Variants in NREP observed in about 807,000 individuals in gnomAD.
The protein encoded by NREP is neuronal regeneration-related protein.
In NREP, 5 loss-of-function variants were observed where a neutral mutation model predicts 8.6. The observed-to-expected ratio is 0.58, with a 90% CI of 0.30 to 1.22. The LOEUF (loss-of-function observed/expected upper bound fraction) is 1.22, where lower values mean the gene tolerates loss of function less well. NREP is among the 50% of genes most tolerant of loss of function. NREP has a pLI of 0.07. For synonymous variants in NREP, 27 were observed against 28.0 expected (o/e 0.96, Z 0.11); for missense variants, 86 against 82.5 (o/e 1.04, Z -0.17).
chr5:111,737,727 A>AC (rs1749263086), intron 2 of NREP, among the ~76,000 whole-genome samples: 1 of 143,312 alleles, frequency 7.0e-6, no homozygotes, highest in African/African-American at 2.8e-5. Context: ...AAAAAAAAAA[A>AC]AACAAAAACA....
chr5:111,958,506 T>C (rs1174587865), intron 2 of NREP, among the ~76,000 whole-genome samples: 1 of 151,946 alleles, frequency 6.6e-6, no homozygotes, highest in Non-Finnish European at 1.5e-5. Context: ...TTGATATTCA[T>C]TCAAACATTT....
chr5:111,784,813 T>C lies in NREP; in HGVS notation c.136-49306A>G, dbSNP rs74948734. 3.8e-3 allele frequency among the ~76,000 whole-genome samples: 578 copies of C among 152,284 alleles called. 1 individual carries two copies. The highest frequency in any genetic ancestry group is 0.013 in the African/African-American group (540 of 41,566). On this transcript the variant is annotated intron_variant, in intron 2 of 3. Transcript: ENST00000395634. The stretch of plus-strand genomic sequence containing the variant: ...TGGATATTTAAAAACAGCATTTAAT[T>C]AAAAAGTTATACTTTTCAAGGTTCC...
chr5:111,856,957 A>T (rs187202664), intron 2 of NREP, among the ~76,000 whole-genome samples: 10 of 152,172 alleles, frequency 6.6e-5, no homozygotes, highest in African/African-American at 2.4e-4. Context: ...CAGCCCCAGT[A>T]TGTCTTGATT....
At chr5:111,958,121 A>G (rs1019961365) in intron 2 of NREP, among the ~76,000 whole-genome samples, 2 of 151,962 alleles carry the variant, frequency 1.3e-5, no homozygotes, top group Admixed American at 1.3e-4. Flanking sequence ...TTTTCATTAT[A>G]TCATAAAATT....
At chr5:111,866,094 A>G (rs184746672) in intron 2 of NREP, among the ~76,000 whole-genome samples, 1 of 152,340 alleles carries the variant, frequency 6.6e-6, no homozygotes, top group East Asian at 1.9e-4. Flanking sequence ...GGCATGGGCA[A>G]GGACTTCATG....
chr5:111,892,267 C>A (rs946926063), intron 2 of NREP, among the ~76,000 whole-genome samples: 1 of 152,060 alleles, frequency 6.6e-6, no homozygotes, highest in East Asian at 1.9e-4. Context: ...ACAAATCATA[C>A]AATAGAGGGC....
intron 2 of NREP, among the ~76,000 whole-genome samples, chr5:111,910,411 T>A (rs55818288): frequency 6.6e-6 from 1 of 151,992 alleles, no homozygotes; most frequent in Non-Finnish European, 1.5e-5. Context: ...GGCGACAAAT[T>A]GGCTGCTATC....
chr5:111,820,311 A>G (rs757601779), intron 2 of NREP, among the ~76,000 whole-genome samples: 2 of 152,250 alleles, frequency 1.3e-5, no homozygotes, highest in Non-Finnish European at 2.9e-5. Context: ...TGCACGTTGA[A>G]CAACTTAAAT....
At chr5:111,804,917 C>G (rs1460701753) in intron 2 of NREP, among the ~76,000 whole-genome samples, 1 of 152,170 alleles carries the variant, frequency 6.6e-6, no homozygotes, top group Non-Finnish European at 1.5e-5. Context: ...AGGAGGATGG[C>G]GTGAACCCGG....
chr5:111,966,908 T>A (rs1275829841), intron 2 of NREP, among the ~76,000 whole-genome samples: 1 of 152,168 alleles, frequency 6.6e-6, no homozygotes, highest in Non-Finnish European at 1.5e-5. Flanking sequence ...CAGCACAGCT[T>A]CTCCAGGGGT....
intron 2 of NREP, among the ~76,000 whole-genome samples, chr5:111,812,493 T>C (rs1752292830): frequency 6.6e-6 from 1 of 152,172 alleles, no homozygotes; most frequent in Admixed American, 6.5e-5. Context: ...GAAGGAAAAT[T>C]GCTTTGGAAT....
At chr5:111,923,296 C>T (rs896290548) in intron 2 of NREP, among the ~76,000 whole-genome samples, 1 of 152,130 alleles carries the variant, frequency 6.6e-6, no homozygotes, top group African/African-American at 2.4e-5. Flanking sequence ...TTACAGACTC[C>T]CTGCTCCACA....
At chr5:111,757,799 C>T (rs868000157), upstream of NREP, 9 of 970,744 alleles carry the variant, frequency 9.3e-6, no homozygotes, top group Middle Eastern at 1.1e-3. Flanking sequence ...TCCGCCTCGA[C>T]GTGCGGTTGC....
chr5:111,927,243 G>A (rs141157968), intron 2 of NREP, among the ~76,000 whole-genome samples: 16 of 152,216 alleles, frequency 1.1e-4, no homozygotes, highest in Non-Finnish European at 1.5e-4. Flanking sequence ...CTATTACTAT[G>A]AAGAATTGAA....
chr5:111,922,956 C>G (rs148339175), intron 2 of NREP, among the ~76,000 whole-genome samples: 3 of 152,308 alleles, frequency 2.0e-5, no homozygotes, highest in African/African-American at 2.4e-5. Flanking sequence ...TTATTTCCCT[C>G]AGCTATTTCA....
chr5:111,835,397 G>A (rs1410127265), intron 2 of NREP, among the ~76,000 whole-genome samples: 2 of 152,026 alleles, frequency 1.3e-5, no homozygotes, highest in South Asian at 2.1e-4. Flanking sequence ...TCTCGCAATC[G>A]CCTGAAGGAG....
At position 111,757,172 on chromosome 5, in the gene NREP, C is replaced by G. The variant is rs2112855999; in HGVS notation, c.-95G>C. 1 of 977,486 alleles carries G rather than the reference C, an allele frequency of 1.0e-6. No homozygotes were observed. The highest frequency in any genetic ancestry group is 4.8e-5 in the South Asian group (1 of 21,052). 60.6% of individuals were successfully genotyped at this position (977,486 alleles called of 1,614,324 possible). ...CCGCTCCCTGTTCACTCTCTCTCCT[C>G]TCTACACCTGAAACACAAATGTGGT... On this transcript the variant is annotated 5_prime_UTR_variant, in exon 1 of 4. Coordinates refer to ENST00000257435, the MANE Select transcript of NREP (RefSeq NM_004772.4).
At chr5:111,869,821 AGAG>A (rs1753748794) in intron 2 of NREP, among the ~76,000 whole-genome samples, 1 of 152,190 alleles carries the variant, frequency 6.6e-6, no homozygotes, top group Non-Finnish European at 1.5e-5. Context: ...GTAGGTAAAA[AGAG>A]GAGGGACCAG....
At chr5:111,815,627 AATAAGACTCGGC>A (rs1478373081) in intron 2 of NREP, among the ~76,000 whole-genome samples, 1 of 152,160 alleles carries the variant, frequency 6.6e-6, no homozygotes, top group African/African-American at 2.4e-5. Flanking sequence ...AAAGAATTAA[AATAAGACTCGGC>A]ATAAGACTCG....
Sources: gnomAD v4.1 joint callset for allele counts (sites outside exome capture counted in the v4.1 genomes callset) on GRCh38, gnomAD v4.1.1 for gene constraint, MANE v1.5 for transcripts, NCBI Gene and HGNC (gene_info 2026-07-23, HGNC 2026-07-21) for gene names.